SEMA3E: variants seen among roughly 807,000 people sequenced by gnomAD.
SEMA3E encodes semaphorin 3E.
Under a neutral mutation model 93.6 loss-of-function variants are expected in SEMA3E, and 49 were observed. The observed-to-expected ratio is 0.52, with a 90% confidence interval of 0.42 to 0.66. The LOEUF is 0.66. Ranked by LOEUF, SEMA3E falls within the 30% of genes least tolerant of loss-of-function variation. SEMA3E has a pLI of 0.00. For synonymous variants in SEMA3E, 363 were observed against 330.7 expected, an observed-to-expected ratio of 1.10 and a Z score of -1.06; for missense variants, 906 against 964.8, an observed-to-expected ratio of 0.94 and a Z score of 0.81.
intron 9 of SEMA3E, among the ~76,000 whole-genome samples, chr7:83,403,215 T>C (rs531021595): frequency 6.6e-6 from 1 of 152,136 alleles, no homozygotes; most frequent in East Asian, 1.9e-4. Flanking sequence ...ACAAATTCTA[T>C]TAAGATGTAT....
intron 5 of SEMA3E, among the ~76,000 whole-genome samples, chr7:83,411,740 C>T (rs1448788042): frequency 6.6e-6 from 1 of 151,988 alleles, no homozygotes; most frequent in Non-Finnish European, 1.5e-5. Context: ...ATACATTGAT[C>T]TTTTACAGAA....
intron 1 of SEMA3E, among the ~76,000 whole-genome samples, chr7:83,546,738 C>A (rs566478610): frequency 6.6e-6 from 1 of 152,042 alleles, no homozygotes; most frequent in South Asian, 2.1e-4. Context: ...GTCTCATATT[C>A]CAATGGAAAA....
At chr7:83,525,628 T>C (rs1344725690) in intron 1 of SEMA3E, among the ~76,000 whole-genome samples, 1 of 152,084 alleles carries the variant, frequency 6.6e-6, no homozygotes, top group Non-Finnish European at 1.5e-5. Flanking sequence ...TCGCATACTT[T>C]TAAATTCAAA....
At chr7:83,437,387 C>A (rs1789026082) in intron 4 of SEMA3E, among the ~76,000 whole-genome samples, 1 of 151,644 alleles carries the variant, frequency 6.6e-6, no homozygotes, top group Admixed American at 6.6e-5. Context: ...GTGGGAAATG[C>A]CATTTATAAT....
At chr7:83,445,586 T>C (rs1789210361) in intron 4 of SEMA3E, among the ~76,000 whole-genome samples, 1 of 152,056 alleles carries the variant, frequency 6.6e-6, no homozygotes, top group South Asian at 2.1e-4. Flanking sequence ...GGCGTCCTGG[T>C]GGGTGCCTGT....
chr7:83,508,777 A>C (rs1215307214), intron 1 of SEMA3E, among the ~76,000 whole-genome samples: 1 of 152,224 alleles, frequency 6.6e-6, no homozygotes, highest in African/African-American at 2.4e-5. Context: ...TAGTAAATAA[A>C]GATAAATTTT....
At chr7:83,647,260 T>C (rs1167905890) in intron 1 of SEMA3E, among the ~76,000 whole-genome samples, 1 of 152,126 alleles carries the variant, frequency 6.6e-6, no homozygotes, top group Non-Finnish European at 1.5e-5. Flanking sequence ...TACTGAAGAT[T>C]GTCCAATAAA....
intron 1 of SEMA3E, among the ~76,000 whole-genome samples, chr7:83,537,101 T>A (rs1004170582): frequency 1.3e-5 from 2 of 151,862 alleles, no homozygotes; most frequent in African/African-American, 4.8e-5. Flanking sequence ...CTCTTCCCTA[T>A]GAGGATACAG....
intron 2 of SEMA3E, among the ~76,000 whole-genome samples, chr7:83,475,499 C>G (rs140428996): frequency 2.0e-5 from 3 of 152,238 alleles, no homozygotes; most frequent in East Asian, 3.9e-4. Context: ...TAACAGCCCC[C>G]TTATAAGATT....
intron 13 of SEMA3E, among the ~76,000 whole-genome samples, chr7:83,393,983 A>G (rs1788068301): frequency 6.6e-6 from 1 of 152,160 alleles, no homozygotes; most frequent in South Asian, 2.1e-4. Context: ...TCAAATGTAA[A>G]TCATGATAAA....
intron 1 of SEMA3E, among the ~76,000 whole-genome samples, chr7:83,572,357 G>A (rs1309442316): frequency 1.3e-5 from 2 of 152,186 alleles, no homozygotes; most frequent in Admixed American, 1.3e-4. Flanking sequence ...AAAACATCAT[G>A]GTCCTGGTAC....
intron 4 of SEMA3E, among the ~76,000 whole-genome samples, chr7:83,426,566 T>C (rs1485695461): frequency 1.3e-5 from 2 of 152,026 alleles, no homozygotes; most frequent in African/African-American, 4.8e-5. Context: ...AAACTAACCT[T>C]TGGGGACTAT....
chr7:83,566,259 G>C (rs570778361), intron 1 of SEMA3E, among the ~76,000 whole-genome samples: 1 of 151,658 alleles, frequency 6.6e-6, no homozygotes, highest in African/African-American at 2.4e-5. Flanking sequence ...GCCTGCTTCG[G>C]CCTCCCAGAG....
chr7:83,553,788 G>A (rs1791826385), intron 1 of SEMA3E, among the ~76,000 whole-genome samples: 1 of 151,894 alleles, frequency 6.6e-6, no homozygotes, highest in Admixed American at 6.6e-5. Flanking sequence ...TAGTTCATAA[G>A]TCAAATAAAA....
intron 2 of SEMA3E, among the ~76,000 whole-genome samples, chr7:83,479,201 TTC>T (rs1246972444): frequency 6.6e-5 from 10 of 152,180 alleles, no homozygotes; most frequent in African/African-American, 2.4e-4. Flanking sequence ...GCTCTAAAAT[TTC>T]TGTCCTTCCT....
rs538243473 is a variant in SEMA3E at position 83,624,127 on chromosome 7, A to G, written c.115+24301T>C. On this transcript the variant is annotated intron_variant, in intron 1 of 16. Transcript: ENST00000643230. ...ATTTTCTTTATCCAGTCTCTCCATG[A>G]TGGACATTTGTGTTAGTTCCAAGTC... 3.3e-5 allele frequency among the ~76,000 whole-genome samples: 5 copies of G among 152,292 alleles called. No individual in the cohort carries two copies. In the East Asian group the frequency reaches 7.7e-4, roughly 24 times the overall value.
chr7:83,605,550 C>T (rs1793097458), intron 1 of SEMA3E, among the ~76,000 whole-genome samples: 1 of 151,914 alleles, frequency 6.6e-6, no homozygotes, highest in Non-Finnish European at 1.5e-5. Flanking sequence ...CCTGCCTCAG[C>T]CTCCTGAGTA....
At chr7:83,477,357 G>A (rs1057247765) in intron 2 of SEMA3E, among the ~76,000 whole-genome samples, 1 of 151,914 alleles carries the variant, frequency 6.6e-6, no homozygotes, top group African/African-American at 2.4e-5. Flanking sequence ...TGTGGCACCA[G>A]TGTCCATCAA....
chr7:83,443,356 A>G (rs1468741098), intron 4 of SEMA3E, among the ~76,000 whole-genome samples: 1 of 152,208 alleles, frequency 6.6e-6, no homozygotes, highest in Admixed American at 6.5e-5. Context: ...GTATAAAGTA[A>G]AAGTGTCATC....
Sources: allele counts gnomAD v4.1 joint callset (sites outside exome capture counted in the v4.1 genomes callset), GRCh38; gene constraint gnomAD v4.1.1; transcripts MANE v1.5; gene names NCBI Gene and HGNC (gene_info 2026-07-23, HGNC 2026-07-21).